The following GABRB3 variants were observed in gnomAD, a reference collection of about 807,000 sequenced individuals.
GABRB3 encodes gamma-aminobutyric acid receptor subunit beta-3.
In GABRB3, 14 loss-of-function variants were observed where a neutral mutation model predicts 52.1. That is an observed-to-expected ratio of 0.27 (90% confidence interval 0.18 to 0.42). The LOEUF (loss-of-function observed/expected upper bound fraction) is 0.42, where lower values mean the gene tolerates loss of function less well. Ranked by LOEUF, GABRB3 falls within the 10% of genes least tolerant of loss-of-function variation. The probability of loss-of-function intolerance (pLI) is 1.00; values close to 1 mark genes in which losing one functional copy is unlikely to be tolerated. For missense variants in GABRB3, 307 were observed against 609.1 expected (o/e 0.50, Z 5.22); for synonymous variants, 260 against 232.3 (o/e 1.12, Z -1.08).
chr15:26,599,530 A>G (rs1891512517), intron 4 of GABRB3, among the ~76,000 whole-genome samples: 1 of 152,234 alleles, frequency 6.6e-6, no homozygotes, highest in Non-Finnish European at 1.5e-5. Flanking sequence ...TCTGCCTGAT[A>G]GCAGAGTCCA....
At chr15:26,735,142 T>A (rs115715199) in intron 3 of GABRB3, among the ~76,000 whole-genome samples, 47 of 152,300 alleles carry the variant, frequency 3.1e-4, no homozygotes, top group African/African-American at 9.6e-4. Context: ...GAAAAGATGC[T>A]CAATTTCATT....
At position 26,621,712 on chromosome 15, in the gene GABRB3, G is replaced by A. The variant is rs1400855903; in HGVS notation, c.241-178C>T. Reference sequence around the variant, plus strand: ...TGCTTTCTTGTGAATGCAAATACCAGTTTTAATAGGTACATGAGTCTGTGT... The same window carrying A: ...TGCTTTCTTGTGAATGCAAATACCAATTTTAATAGGTACATGAGTCTGTGT... On this transcript the variant is annotated intron_variant, in intron 3 of 8. Coordinates refer to ENST00000311550, the MANE Select transcript of GABRB3 (RefSeq NM_000814.6). The surrounding 1 kb of genome is among the most constrained non-coding windows in gnomAD (Gnocchi z 4.1). 6.6e-6 allele frequency among the ~76,000 whole-genome samples: 1 copy of A among 152,174 alleles called. No individual in the cohort carries two copies.
At position 26,545,402 on chromosome 15, in the gene GABRB3, T is replaced by C. The variant is rs1359426696; in HGVS notation, c.*2391A>G. ...GAGACTGCAGCTCTTTGGAGCCCCA[T>C]GGGGTCTCTGCCTTTGATATTTGGG... On this transcript the variant is annotated 3_prime_UTR_variant, in exon 9 of 9. Coordinates refer to ENST00000311550, the MANE Select transcript of GABRB3 (RefSeq NM_000814.6). 6.6e-6 allele frequency: 1 copy of C among 152,612 alleles called. No individual in the cohort carries two copies. Among genetic ancestry groups the C allele is most frequent in the Non-Finnish European group, 1.5e-5 (1 of 68,036 alleles). The allele number at this position is 152,612 out of a possible 1,614,324, so 9.5% of individuals were successfully genotyped here.
intron 3 of GABRB3, chr15:26,642,519 C>A: frequency 7.8e-7 from 1 of 1,284,694 alleles, no homozygotes; most frequent in Non-Finnish European, 1.0e-6. Context: ...CTGTGCAGTT[C>A]CTGCATAGCC....
chr15:26,768,512 T>A (rs1443147013), intron 3 of GABRB3, among the ~76,000 whole-genome samples: 6 of 152,198 alleles, frequency 3.9e-5, no homozygotes, highest in African/African-American at 1.2e-4. Flanking sequence ...TTTCCTATAC[T>A]TGCAAAGTTT....
intron 3 of GABRB3, among the ~76,000 whole-genome samples, chr15:26,769,103 A>T (rs1423811282): frequency 6.6e-6 from 1 of 152,236 alleles, no homozygotes; most frequent in African/African-American, 2.4e-5. Context: ...AGCAAAAAGC[A>T]ACAACAGCAT....
chr15:26,629,041 G>T, intron 3 of GABRB3: 2 of 1,536,160 alleles, frequency 1.3e-6, no homozygotes, highest in Non-Finnish European at 1.7e-6. Context: ...CCGGTGCTGA[G>T]GTCCCAAAGA....
chr15:26,583,139 A>G (rs530918132), intron 5 of GABRB3, among the ~76,000 whole-genome samples, 193 bp downstream of exon 5: 2 of 151,644 alleles, frequency 1.3e-5, no homozygotes, highest in East Asian at 3.9e-4. Flanking sequence ...CAGCAAACAG[A>G]CTCTCTTAAT....
chr15:26,620,228 C>T (rs1224243883), intron 4 of GABRB3, among the ~76,000 whole-genome samples: 1 of 152,108 alleles, frequency 6.6e-6, no homozygotes, highest in East Asian at 1.9e-4. Flanking sequence ...TTGACATGTG[C>T]CACTTAACAC....
chr15:26,722,828 C>A (rs924269359), intron 3 of GABRB3, among the ~76,000 whole-genome samples: 1 of 152,152 alleles, frequency 6.6e-6, no homozygotes, highest in East Asian at 1.9e-4. Flanking sequence ...TCTGGCTCCC[C>A]GTGCCATAGC....
At position 26,544,527 on chromosome 15, in the gene GABRB3, G is replaced by A. The variant is rs952820101; in HGVS notation, c.*3266C>T. The A allele has an allele frequency of 1.3e-5, 2 of 152,246 alleles. No homozygotes were observed. Among genetic ancestry groups the A allele is most frequent in the Admixed American group, 6.5e-5 (1 of 15,298 alleles). 9.4% of individuals were successfully genotyped at this position (152,246 alleles called of 1,614,324 possible). A position where few individuals can be genotyped will look rare whatever the true frequency, so the allele number is the denominator to read the frequency against. ...ATTATCATGACATACTTTCTAGTTC[G>A]TTTGAGATTCAGGGGAAATGGATGT... On this transcript the variant is annotated 3_prime_UTR_variant, in exon 9 of 9. Coordinates refer to ENST00000311550, the MANE Select transcript of GABRB3 (RefSeq NM_000814.6).
At chr15:26,633,372 CTCCCACCCACTCTCTCT>C (rs1483862463) in intron 3 of GABRB3, among the ~76,000 whole-genome samples, 1 of 152,168 alleles carries the variant, frequency 6.6e-6, no homozygotes, top group Non-Finnish European at 1.5e-5. Flanking sequence ...CAGGGCTCAC[CTCCCACCCACTCTCTCT>C]TCCCTGTACC....
chr15:26,576,502 G>C (rs1182957138), intron 6 of GABRB3, among the ~76,000 whole-genome samples: 2 of 152,256 alleles, frequency 1.3e-5, no homozygotes, highest in Non-Finnish European at 2.9e-5. Context: ...ACATGGGTTT[G>C]GGTATTATAG....
chr15:26,758,101 C>A (rs1177570839), intron 3 of GABRB3, among the ~76,000 whole-genome samples: 2 of 149,130 alleles, frequency 1.3e-5, no homozygotes, highest in African/African-American at 2.5e-5. Flanking sequence ...AAAAAAAAAA[C>A]CGTAGAGGTG....
chr15:26,592,155 C>G (rs1331188708), intron 4 of GABRB3, among the ~76,000 whole-genome samples: 1 of 152,172 alleles, frequency 6.6e-6, no homozygotes, highest in African/African-American at 2.4e-5. Context: ...AAATGTCACT[C>G]AAGACTCTAC....
chr15:26,771,169 A>T (rs1199951717), intron 3 of GABRB3, among the ~76,000 whole-genome samples: 6 of 152,292 alleles, frequency 3.9e-5, no homozygotes, highest in East Asian at 3.9e-4. Flanking sequence ...GTCTATTTTT[A>T]AAAATAGTTT....
intron 4 of GABRB3, among the ~76,000 whole-genome samples, chr15:26,609,205 G>A (rs1231833539): frequency 2.0e-5 from 3 of 151,774 alleles, no homozygotes; most frequent in Non-Finnish European, 2.9e-5. Context: ...TGGAATTGGA[G>A]AACATTATAC....
chr15:26,764,175 AAAAAATATATATATATATATATATATAT>A (rs71130272), intron 3 of GABRB3, among the ~76,000 whole-genome samples: 206 of 12,578 alleles, frequency 0.016, 22 homozygotes, highest in Middle Eastern at 0.043. Flanking sequence ...AAAAAAAAAA[AAAAAATATATATATATATATATATATAT>A]ATATATATAT....
At chr15:26,703,854 A>T (rs1889012864) in intron 3 of GABRB3, among the ~76,000 whole-genome samples, 1 of 152,204 alleles carries the variant, frequency 6.6e-6, no homozygotes, top group South Asian at 2.1e-4. Context: ...TGAACCCCCA[A>T]AGCCCTGGGC....
Sources: allele counts gnomAD v4.1 joint callset (sites outside exome capture counted in the v4.1 genomes callset), GRCh38; gene constraint gnomAD v4.1.1; non-coding constraint Gnocchi (gnomAD v3.1); transcripts MANE v1.5; gene names NCBI Gene and HGNC (gene_info 2026-07-23, HGNC 2026-07-21).